Variants in DLGAP2 observed in about 807,000 individuals in gnomAD.
DLGAP2 encodes the protein disks large-associated protein 2.
In DLGAP2, 26 loss-of-function variants were observed where a neutral mutation model predicts 100.3. That is an observed-to-expected ratio of 0.26 (90% CI 0.19 to 0.36). The LOEUF is 0.36. Among genes scored for constraint, DLGAP2 ranks in the 10% least tolerant of loss-of-function variants. The pLI, the probability that DLGAP2 is intolerant of heterozygous loss-of-function variation, is 1.00. For synonymous variants in DLGAP2, 886 were observed against 630.1 expected (o/e 1.41, Z -6.08); for missense variants, 1,858 against 1,453.2 (o/e 1.28, Z -4.53).
intron 2 of DLGAP2, among the ~76,000 whole-genome samples, chr8:921,886 GGACGGCGA>G (rs907710509): frequency 1.6e-4 from 25 of 152,258 alleles, no homozygotes; most frequent in African/African-American, 6.0e-4. Context: ...ATCTTCCAGT[GGACGGCGA>G]GACGTTCGGG....
chr8:1,660,820 T>G (rs1054266154), intron 8 of DLGAP2, among the ~76,000 whole-genome samples: 1 of 152,236 alleles, frequency 6.6e-6, no homozygotes, highest in Non-Finnish European at 1.5e-5. Context: ...AACTTTCCCT[T>G]GGTCCTTTAG....
chr8:1,437,673 A>C (rs1005109510), intron 3 of DLGAP2, among the ~76,000 whole-genome samples: 1 of 152,052 alleles, frequency 6.6e-6, no homozygotes, highest in Admixed American at 6.5e-5. Flanking sequence ...CAGTTTATAC[A>C]TTAAAAATAA....
At chr8:1,245,405 C>G (rs1010240632) in intron 2 of DLGAP2, among the ~76,000 whole-genome samples, 5 of 152,188 alleles carry the variant, frequency 3.3e-5, no homozygotes, top group Non-Finnish European at 7.3e-5. Flanking sequence ...ATGGAATCTT[C>G]TCTAGCAATA....
At chr8:1,379,134 G>A (rs1471353070) in intron 3 of DLGAP2, among the ~76,000 whole-genome samples, 1 of 152,278 alleles carries the variant, frequency 6.6e-6, no homozygotes, top group Non-Finnish European at 1.5e-5. Context: ...GACAAGGCCA[G>A]TTCTTCCCTG....
chr8:1,688,670 C>G (rs992936289), intron 12 of DLGAP2, among the ~76,000 whole-genome samples: 1 of 152,080 alleles, frequency 6.6e-6, no homozygotes, highest in South Asian at 2.1e-4. Flanking sequence ...CTTTGGGGAG[C>G]AAAACAATCT....
At chr8:1,163,792 C>G (rs1796938853) in intron 2 of DLGAP2, among the ~76,000 whole-genome samples, 2 of 152,200 alleles carry the variant, frequency 1.3e-5, no homozygotes, top group South Asian at 4.1e-4. Context: ...TAAATGGCAG[C>G]GGTGAGGAAG....
intron 1 of DLGAP2, among the ~76,000 whole-genome samples, chr8:877,211 C>G (rs772075050): frequency 6.6e-6 from 1 of 152,116 alleles, no homozygotes; most frequent in Non-Finnish European, 1.5e-5. Context: ...TTGCATGTCT[C>G]ATGATTTTTT....
intron 2 of DLGAP2, among the ~76,000 whole-genome samples, chr8:912,614 G>A (rs1798508046): frequency 6.6e-6 from 1 of 151,746 alleles, no homozygotes; most frequent in Admixed American, 6.6e-5. Flanking sequence ...CCTGCTCCGT[G>A]GTGCCCGCCT....
chr8:1,682,916 A>G (rs1329481298), intron 12 of DLGAP2, among the ~76,000 whole-genome samples: 1 of 151,216 alleles, frequency 6.6e-6, no homozygotes, highest in Non-Finnish European at 1.5e-5. Context: ...TCGTGGTGGG[A>G]TTTTTGTTTT....
intron 3 of DLGAP2, among the ~76,000 whole-genome samples, chr8:1,368,324 TGC>T (rs1802157436): frequency 6.6e-6 from 1 of 151,812 alleles, no homozygotes. Context: ...GCTGTGTGTG[TGC>T]ATGCATGTGT....
At chr8:1,159,442 T>A (rs1796849626) in intron 2 of DLGAP2, among the ~76,000 whole-genome samples, 1 of 152,258 alleles carries the variant, frequency 6.6e-6, no homozygotes. Flanking sequence ...ATGTATCGTA[T>A]GTCGACAATT....
intron 2 of DLGAP2, among the ~76,000 whole-genome samples, chr8:1,187,735 A>G (rs377559481): frequency 0.062 from 4,312 of 69,826 alleles, 541 homozygotes; most frequent in African/African-American, 0.25. Context: ...CACACGCCCG[A>G]GACTTCCGTG....
rs994663194 is a variant in DLGAP2 at position 1,511,504 on chromosome 8, C to T, written c.172+10073C>T. Among the ~76,000 whole-genome samples the T allele has an allele frequency of 4.7e-5, 7 of 150,482 alleles. 1 individual carries two copies. The highest frequency in any genetic ancestry group is 6.6e-5 in the Admixed American group (1 of 15,118). ...TCAATAGATGACCATCTTCCATGGG[C>T]GTAAGTGCTGTCTAGTGTAAGACAG... On this transcript the variant is annotated intron_variant, in intron 4 of 14. Coordinates refer to ENST00000637795, the MANE Select transcript of DLGAP2 (RefSeq NM_001346810.2).
At chr8:1,063,909 G>GC (rs1803165524) in intron 2 of DLGAP2, among the ~76,000 whole-genome samples, 1 of 152,170 alleles carries the variant, frequency 6.6e-6, no homozygotes, top group African/African-American at 2.4e-5. Flanking sequence ...ACTCTCTCCA[G>GC]CTTGGTGAAT....
At chr8:1,059,459 G>A (rs1802986260) in intron 2 of DLGAP2, among the ~76,000 whole-genome samples, 1 of 152,184 alleles carries the variant, frequency 6.6e-6, no homozygotes, top group South Asian at 2.1e-4. Context: ...ATGAGACAGA[G>A]ACCCCAGGAG....
At position 1,548,819 on chromosome 8, in the gene DLGAP2, G is replaced by C; in HGVS notation, c.366G>C (p.Leu122=). ...CCGACGCGCGGCCGCCCTACCTGCT[G>C]AGCCCCGCCGACAGCTGCCCCGGGG... ...HGPDARPPYL[L]SPADSCPGGR... The change falls in exon 5 of 15, where the codon CTG becomes CTC. Residue 122 remains leucine (L), a synonymous_variant. Coordinates refer to ENST00000637795, the MANE Select transcript of DLGAP2 (RefSeq NM_001346810.2). 1.3e-6 allele frequency: 2 copies of C among 1,580,538 alleles called. No individual in the cohort carries two copies. Among genetic ancestry groups the C allele is most frequent in the Non-Finnish European group, 1.7e-6 (2 of 1,167,546 alleles).
intron 3 of DLGAP2, among the ~76,000 whole-genome samples, chr8:1,328,111 C>G (rs7814640): frequency 0.33 from 50,307 of 151,684 alleles, 9,228 homozygotes; most frequent in African/African-American, 0.49. Flanking sequence ...GTGATCTCAG[C>G]TCACTGCATA....
intron 4 of DLGAP2, among the ~76,000 whole-genome samples, chr8:1,532,308 T>C (rs533444352): frequency 2.0e-5 from 3 of 152,222 alleles, no homozygotes; most frequent in Non-Finnish European, 4.4e-5. Flanking sequence ...CCGATCCTTC[T>C]CTCTCTTGCT....
chr8:1,281,157 G>A (rs1039466025), intron 3 of DLGAP2, among the ~76,000 whole-genome samples: 1 of 152,210 alleles, frequency 6.6e-6, no homozygotes, highest in Admixed American at 6.5e-5. Context: ...TTAAAAATGT[G>A]TGTGCGTGAT....
Sources: gnomAD v4.1 joint callset for allele counts (sites outside exome capture counted in the v4.1 genomes callset) on GRCh38, gnomAD v4.1.1 for gene constraint, MANE v1.5 for transcripts, NCBI Gene and HGNC (gene_info 2026-07-23, HGNC 2026-07-21) for gene names.